The following KLHL41 variants were observed in gnomAD, a reference collection of about 807,000 sequenced individuals.
The protein encoded by KLHL41 is kelch like family member 41.
In KLHL41, 31 loss-of-function variants were observed where a neutral mutation model predicts 49.2. That is an observed-to-expected ratio of 0.63 (90% confidence interval 0.47 to 0.85). The LOEUF (loss-of-function observed/expected upper bound fraction) is 0.85, where lower values mean the gene tolerates loss of function less well. Ranked by LOEUF, KLHL41 falls within the 40% of genes least tolerant of loss-of-function variation. KLHL41 has a pLI of 0.00. For synonymous variants in KLHL41, 218 were observed against 258.5 expected (o/e 0.84, Z 1.50); for missense variants, 663 against 726.7 (o/e 0.91, Z 1.01).
At chr2:169,521,104 G>A in intron 5 of KLHL41, 97 bp downstream of exon 5, 3 of 1,126,108 alleles carry the variant, frequency 2.7e-6, no homozygotes, top group South Asian at 2.9e-5. Context: ...TTCCCAACAT[G>A]CAAGCTACTT....
chr2:169,512,891 A>G (rs1684049730), intron 1 of KLHL41, among the ~76,000 whole-genome samples: 1 of 152,044 alleles, frequency 6.6e-6, no homozygotes, highest in East Asian at 1.9e-4. Context: ...TTACCTTGGT[A>G]AGGGAGGATT....
intron 1 of KLHL41, among the ~76,000 whole-genome samples, chr2:169,512,041 G>T (rs1214494605): frequency 3.3e-5 from 5 of 152,166 alleles, no homozygotes; most frequent in Non-Finnish European, 7.4e-5. Flanking sequence ...TAGTTGGAAA[G>T]GCCAAAGATA....
intron 1 of KLHL41, among the ~76,000 whole-genome samples, chr2:169,512,679 G>A (rs923409493): frequency 6.6e-6 from 1 of 152,008 alleles, no homozygotes; most frequent in Non-Finnish European, 1.5e-5. Context: ...CAAATGCCTT[G>A]CTGCTTTTAA....
At chr2:169,511,008 C>A in intron 1 of KLHL41, 120 bp downstream of exon 1, 2 of 798,622 alleles carry the variant, frequency 2.5e-6, no homozygotes, top group Non-Finnish European at 4.0e-6. Flanking sequence ...TGTCCTATTC[C>A]AGTCCCTTGC....
rs60635668 is a variant in KLHL41, at chr2:169,522,705, A to ATTTT, written c.1709+1727_1709+1730dup. Among the ~76,000 whole-genome samples the ATTTT allele has an allele frequency of 6.4e-4, 32 of 50,126 alleles. 2 individuals carry two copies. The highest frequency in any genetic ancestry group is 1.7e-3 in the African/African-American group (20 of 12,054). 32.9% of individuals were successfully genotyped at this position (50,126 alleles called of 152,430 possible). A position where few individuals can be genotyped will look rare whatever the true frequency, so the allele number is the denominator to read the frequency against. Reference sequence around the variant, plus strand: ...CCTAGTTCCTAAAACCTTCCCAGTGATTTTTTTTTTTTTTTTTTTTTTTTT... The same window carrying ATTTT: ...CCTAGTTCCTAAAACCTTCCCAGTGATTTTTTTTTTTTTTTTTTTTTTTTTTTTT... On this transcript the variant is annotated intron_variant, in intron 5 of 5. Coordinates refer to ENST00000284669, the MANE Select transcript of KLHL41 (RefSeq NM_006063.3).
chr2:169,515,431 A>G (rs1447142878), intron 3 of KLHL41, among the ~76,000 whole-genome samples: 3 of 152,198 alleles, frequency 2.0e-5, no homozygotes, highest in Non-Finnish European at 4.4e-5. Context: ...TCGCTGAAGT[A>G]AACATGTAGA....
At chr2:169,512,215 A>G (rs1368900525) in intron 1 of KLHL41, among the ~76,000 whole-genome samples, 1 of 152,236 alleles carries the variant, frequency 6.6e-6, no homozygotes, top group African/African-American at 2.4e-5. Context: ...TCAAAGTTCC[A>G]GTGAAGAATG....
chr2:169,517,945 G>T (rs565125966), intron 3 of KLHL41, among the ~76,000 whole-genome samples: 1 of 152,250 alleles, frequency 6.6e-6, no homozygotes, highest in South Asian at 2.1e-4. Flanking sequence ...AAAATCAGCT[G>T]TGCCTGGGGT....
chr2:169,517,545 G>A (rs1338800603), intron 3 of KLHL41, among the ~76,000 whole-genome samples: 4 of 151,892 alleles, frequency 2.6e-5, no homozygotes, highest in Non-Finnish European at 2.9e-5. Context: ...CGGAGGTTGC[G>A]GTGAGCCAAG....
At chr2:169,516,071 A>G (rs1684111491) in intron 3 of KLHL41, among the ~76,000 whole-genome samples, 1 of 152,208 alleles carries the variant, frequency 6.6e-6, no homozygotes, top group South Asian at 2.1e-4. Flanking sequence ...TAAAATAAGC[A>G]TTTTCAGTTT....
At chr2:169,522,934 G>A (rs1347199142) in intron 5 of KLHL41, among the ~76,000 whole-genome samples, 1 of 151,544 alleles carries the variant, frequency 6.6e-6, no homozygotes, top group Non-Finnish European at 1.5e-5. Context: ...TATTGGCCAG[G>A]CTGGTCTTGA....
intron 5 of KLHL41, among the ~76,000 whole-genome samples, chr2:169,522,855 T>C (rs1166171539): frequency 6.6e-6 from 1 of 151,674 alleles, no homozygotes; most frequent in Non-Finnish European, 1.5e-5. Flanking sequence ...CTGGAGCAGC[T>C]GGGACTACAG....
intron 3 of KLHL41, 88 bp downstream of exon 3, chr2:169,515,049 TTG>T: frequency 1.2e-6 from 1 of 807,802 alleles, no homozygotes; most frequent in Non-Finnish European, 1.9e-6. Context: ...TTTTTTTTTT[TTG>T]AGATGGAGCT....
intron 5 of KLHL41, among the ~76,000 whole-genome samples, chr2:169,522,705 A>ATGTTTTTTT: frequency 2.0e-5 from 1 of 50,092 alleles, no homozygotes; most frequent in Non-Finnish European, 3.4e-5. Flanking sequence ...CTTCCCAGTG[A>ATGTTTTTTT]TTTTTTTTTT....
At chr2:169,525,488 A>C in intron 5 of KLHL41, 97 bp from the exon 6 acceptor site, 2 of 729,826 alleles carry the variant, frequency 2.7e-6, no homozygotes, top group South Asian at 3.3e-5. Flanking sequence ...AGTAAGAGCC[A>C]CTAGGGTTTT....
chr2:169,520,300 GTGTGTGTGTGTA>G lies in KLHL41; in HGVS notation c.1563-549_1563-538del, dbSNP rs1343969004. Among the ~76,000 whole-genome samples the G allele has an allele frequency of 4.8e-4, 55 of 113,404 alleles. 4 individuals are homozygous for G. In the East Asian group the frequency reaches 4.9e-3, roughly 10 times the overall value. The allele number at this position is 113,404 out of a possible 152,430, so 74.4% of individuals were successfully genotyped here. On this transcript the variant is annotated intron_variant, in intron 4 of 5. Coordinates refer to ENST00000284669, the MANE Select transcript of KLHL41 (RefSeq NM_006063.3). ...AGTGTGTGTGTGTGTGTGTGTGTGT[GTGTGTGTGTGTA>G]TGTGTGTGTGTGTGTGTGGAGGCAG... is the stretch of plus-strand genomic sequence containing the variant.
At chr2:169,518,397 T>C (rs774398791) in intron 4 of KLHL41, 22 bp downstream of exon 4, 2 of 1,542,032 alleles carry the variant, frequency 1.3e-6, no homozygotes, top group South Asian at 2.3e-5. Context: ...CATCTTAGTA[T>C]ATAGCATGTG....
chr2:169,523,760 T>C, intron 5 of KLHL41, among the ~76,000 whole-genome samples: 1 of 152,172 alleles, frequency 6.6e-6, no homozygotes. Context: ...TGGGTACTTA[T>C]CAGAAAGGCA....
chr2:169,516,840 G>C (rs1435855440), intron 3 of KLHL41, among the ~76,000 whole-genome samples: 3 of 152,056 alleles, frequency 2.0e-5, no homozygotes, highest in Non-Finnish European at 4.4e-5. Flanking sequence ...TGTCCAACGT[G>C]GAGAAACCCC....
Sources: gnomAD v4.1 joint callset for allele counts (sites outside exome capture counted in the v4.1 genomes callset) on GRCh38, gnomAD v4.1.1 for gene constraint, MANE v1.5 for transcripts, NCBI Gene and HGNC (gene_info 2026-07-23, HGNC 2026-07-21) for gene names.